Variants in IQSEC1 observed in about 807,000 individuals in gnomAD.
IQSEC1 encodes IQ motif and SEC7 domain-containing protein 1.
A neutral mutation model predicts 91.0 loss-of-function variants in IQSEC1; 31 were observed. The observed-to-expected ratio is 0.34, with a 90% confidence interval of 0.26 to 0.46. The LOEUF (loss-of-function observed/expected upper bound fraction) is 0.46. IQSEC1 is among the 20% of genes least tolerant of loss of function. The pLI is 1.00. For missense variants in IQSEC1, 1,388 were observed against 1,575.6 expected, an observed-to-expected ratio of 0.88 and a Z score of 2.02; for synonymous variants, 699 against 662.6, an observed-to-expected ratio of 1.05 and a Z score of -0.84.
At chr3:13,151,827 A>G (rs949393740) in intron 2 of IQSEC1, among the ~76,000 whole-genome samples, 4 of 152,108 alleles carry the variant, frequency 2.6e-5, no homozygotes, top group Non-Finnish European at 5.9e-5. Flanking sequence ...TTAGCTGGGT[A>G]TGGTGGCAGG....
At chr3:13,055,338 G>A (rs762304892) in intron 1 of IQSEC1, among the ~76,000 whole-genome samples, 2 of 152,220 alleles carry the variant, frequency 1.3e-5, no homozygotes, top group African/African-American at 2.4e-5. Context: ...TCAGTGTCAT[G>A]AGGAGTTGGT....
chr3:13,151,705 C>T (rs1707002716), intron 2 of IQSEC1, among the ~76,000 whole-genome samples: 1 of 152,196 alleles, frequency 6.6e-6, no homozygotes, highest in African/African-American at 2.4e-5. Flanking sequence ...GTGGCTCATG[C>T]CTGTAATCCC....
chr3:13,005,027 C>A (rs1702576745), intron 1 of IQSEC1, among the ~76,000 whole-genome samples: 1 of 152,232 alleles, frequency 6.6e-6, no homozygotes, highest in Admixed American at 6.5e-5. Context: ...ACGTGAACAT[C>A]TTTCAAACCA....
chr3:13,210,367 G>A (rs1290169118), intron 1 of IQSEC1, among the ~76,000 whole-genome samples: 1 of 152,126 alleles, frequency 6.6e-6, no homozygotes. Flanking sequence ...ACTCATTGCA[G>A]GAGAATGTTT....
At chr3:13,020,236 T>C (rs949080155) in intron 1 of IQSEC1, among the ~76,000 whole-genome samples, 1 of 151,894 alleles carries the variant, frequency 6.6e-6, no homozygotes, top group Non-Finnish European at 1.5e-5. Context: ...ACCCAGGAGG[T>C]CTATCCCGGG....
intron 2 of IQSEC1, among the ~76,000 whole-genome samples, chr3:13,117,771 GGTACTCA>G (rs2124883385): frequency 6.6e-6 from 1 of 151,510 alleles, no homozygotes; most frequent in East Asian, 1.9e-4. Context: ...TGTAGTCCCA[GGTACTCA>G]GGAGGCTGAG....
At chr3:13,108,038 A>T (rs937610455) in intron 2 of IQSEC1, among the ~76,000 whole-genome samples, 2 of 42,222 alleles carry the variant, frequency 4.7e-5, no homozygotes, top group Non-Finnish European at 9.9e-5. Flanking sequence ...AAAAAGCATA[A>T]AGGAAAAAAA....
rs565905691 is a variant in IQSEC1, at chr3:12,984,175, G to A, written c.24-42310C>T. Among the ~76,000 whole-genome samples, 9 of 152,286 alleles carry A rather than the reference G, an allele frequency of 5.9e-5. No individual in the cohort carries two copies. The South Asian group carries it at 1.5e-3, about 25-fold the overall frequency. On this transcript the variant is annotated intron_variant, in intron 1 of 13. Coordinates refer to ENST00000613206, the MANE Select transcript of IQSEC1 (RefSeq NM_001134382.3). ...CTAACTCAAGCCGCTCCCATGGATC[G>A]GGGAAGGTGTTTGGAGTTTCCTTTC... is the stretch of plus-strand genomic sequence containing the variant.
rs78828296 is a variant in IQSEC1 at position 13,021,765 on chromosome 3, A to T, written c.23+51227T>A. 1.1e-4 allele frequency among the ~76,000 whole-genome samples: 17 copies of T among 152,332 alleles called. No homozygotes were observed. The East Asian group carries it at 3.3e-3, about 29-fold the overall frequency. On this transcript the variant is annotated intron_variant, in intron 1 of 13. Coordinates refer to ENST00000613206, the MANE Select transcript of IQSEC1 (RefSeq NM_001134382.3). ...TCACACAGCTGTGCCCTGTGCCAGC[A>T]TGTTATGTAACACATGCTGCACCTG...
At chr3:13,022,483 G>A in intron 1 of IQSEC1, 1 of 1,001,680 alleles carries the variant, frequency 1.0e-6, no homozygotes, top group South Asian at 4.7e-5. Flanking sequence ...ACTCAGGGCG[G>A]GATGGGTGAG....
chr3:13,226,016 G>C (rs950280068), intron 1 of IQSEC1, among the ~76,000 whole-genome samples: 4 of 152,072 alleles, frequency 2.6e-5, no homozygotes, highest in African/African-American at 9.7e-5. Flanking sequence ...GAGTAGCTCG[G>C]ATTACAGGCA....
intron 1 of IQSEC1, among the ~76,000 whole-genome samples, chr3:13,246,974 T>C (rs1695118762): frequency 6.6e-6 from 1 of 152,166 alleles, no homozygotes; most frequent in Non-Finnish European, 1.5e-5. Flanking sequence ...CGCTGGCCTG[T>C]TTGCCTCGGG....
chr3:12,981,401 T>C (rs1418503906), intron 1 of IQSEC1, among the ~76,000 whole-genome samples: 1 of 152,204 alleles, frequency 6.6e-6, no homozygotes, highest in Non-Finnish European at 1.5e-5. Context: ...CATTTGCTTA[T>C]GTATATGTGA....
At chr3:13,192,900 G>C (rs775165050) in intron 1 of IQSEC1, among the ~76,000 whole-genome samples, 11 of 152,192 alleles carry the variant, frequency 7.2e-5, no homozygotes, top group Non-Finnish European at 1.5e-4. Context: ...CCTCACCCCT[G>C]CTCCCAGCAG....
rs1693797620 is a variant in IQSEC1, at chr3:13,179,590, C to T, written c.273-15457G>A. On this transcript the variant is annotated intron_variant, in intron 1 of 15. Transcript: ENST00000648114. Reference sequence around the variant, plus strand: ...CTTCAAAATGAGAGGTGACAGCGTGCTGGCAGTCCTCACAGCCCTCGCTCG... The same window carrying T: ...CTTCAAAATGAGAGGTGACAGCGTGTTGGCAGTCCTCACAGCCCTCGCTCG... Among the ~76,000 whole-genome samples the T allele has an allele frequency of 2.6e-5, 4 of 152,402 alleles. No homozygotes were observed. The South Asian group carries it at 8.3e-4, about 32-fold the overall frequency.
intron 1 of IQSEC1, among the ~76,000 whole-genome samples, chr3:12,956,133 A>G (rs528004457): frequency 6.6e-6 from 1 of 152,168 alleles, no homozygotes; most frequent in East Asian, 1.9e-4. Flanking sequence ...CAGACAGCAC[A>G]TGTTCTGTCA....
rs371234635 is a variant in IQSEC1, at chr3:13,086,574, C to T, written c.303-39052G>A. Among the ~76,000 whole-genome samples, 516 of 152,276 alleles carry T rather than the reference C, an allele frequency of 3.4e-3. 4 individuals carry two copies. Among genetic ancestry groups the T allele is most frequent in the African/African-American group, 0.01 (422 of 41,544 alleles). ...TGGTAAATGCAAATCAGACCCATCC[C>T]GCCAGCTTCCCACTGCACTCAGAAC... On this transcript the variant is annotated intron_variant, in intron 2 of 15. Transcript: ENST00000648114.
intron 1 of IQSEC1, among the ~76,000 whole-genome samples, chr3:13,025,595 C>T (rs1489369003): frequency 6.6e-6 from 1 of 152,208 alleles, no homozygotes; most frequent in Non-Finnish European, 1.5e-5. Context: ...TGTGCCCTCT[C>T]CTCGCCTGTT....
intron 1 of IQSEC1, among the ~76,000 whole-genome samples, chr3:13,040,668 C>T (rs1704227129): frequency 6.6e-6 from 1 of 152,234 alleles, no homozygotes; most frequent in Non-Finnish European, 1.5e-5. Context: ...GTACCCCTTC[C>T]CAGCTCCATG....
Sources: gnomAD v4.1 joint callset for allele counts (sites outside exome capture counted in the v4.1 genomes callset) on GRCh38, gnomAD v4.1.1 for gene constraint, MANE v1.5 for transcripts, NCBI Gene and HGNC (gene_info 2026-07-23, HGNC 2026-07-21) for gene names.